ERAS: variants seen among roughly 807,000 people sequenced by gnomAD.
The protein encoded by ERAS is GTPase ERas.
For missense variants in ERAS, 137 were observed against 199.2 expected (o/e 0.69, Z 1.88); for synonymous variants, 87 against 89.1 (o/e 0.98, Z 0.13).
chrX:48,828,790 A>G lies in ERAS; in HGVS notation c.-43-291A>G, dbSNP rs1602290205. ...TATGCTAAAACCCGTTAAATTGGAC[A>G]CTAGCTGGCTGAACTTGATGGGATG... On this transcript the variant is annotated intron_variant, in intron 1 of 1. Transcript: ENST00000636362. The G allele has an allele frequency of 1.5e-5, 3 of 196,568 alleles. No homozygotes were observed. In the East Asian group the frequency reaches 2.6e-4, roughly 17 times the overall value. The allele number at this position is 196,568 out of a possible 1,213,427, so 16.2% of individuals were successfully genotyped here. A position where few individuals can be genotyped will look rare whatever the true frequency, so the allele number is the denominator to read the frequency against.
At chrX:48,826,881 G>A (rs1257892078) in intron 1 of ERAS, among the ~76,000 whole-genome samples, 4 of 112,764 alleles carry the variant, frequency 3.5e-5, no homozygotes, top group Non-Finnish European at 7.5e-5. Context: ...CCAGGTCCCG[G>A]CCCCTTAGCG....
intron 1 of ERAS, 39 bp downstream of exon 1, chrX:48,826,588 G>C (rs2063159207): frequency 8.9e-6 from 1 of 112,295 alleles, no homozygotes; most frequent in Non-Finnish European, 1.9e-5. Flanking sequence ...TGCCAGGCCT[G>C]GGGGTATCCC....
intron 1 of ERAS, among the ~76,000 whole-genome samples, chrX:48,828,624 G>A (rs1233345005): frequency 3.6e-5 from 4 of 111,553 alleles, no homozygotes; most frequent in Non-Finnish European, 7.5e-5. Flanking sequence ...GCTGGGCTAG[G>A]GTTCAATGGT....
intron 1 of ERAS, 53 bp downstream of exon 1, chrX:48,826,602 G>T (rs1478328652): frequency 8.9e-6 from 1 of 112,235 alleles, no homozygotes; most frequent in Non-Finnish European, 1.9e-5. Flanking sequence ...GTATCCCCGC[G>T]CCGGCTTTGG....
chrX:48,829,153 C>A lies in ERAS; in HGVS notation c.30C>A (p.Phe10Leu). The change falls in exon 2 of 2, where the codon TTC becomes TTA. Residue 10 changes from phenylalanine to leucine, a missense_variant. Physicochemically the swap from Phe to Leu is conservative, Grantham distance 22. Transcript: ENST00000636362. MELPTKPGTFDLGLATWSPS... is the reference protein window; with the variant it reads MELPTKPGTLDLGLATWSPS... ...AGCTGCCAACAAAGCCTGGCACCTT[C>A]GACCTGGGCCTGGCCACATGGAGCC... 9.0e-7 allele frequency: 1 copy of A among 1,112,754 alleles called. No individual in the cohort carries two copies. Among genetic ancestry groups the A allele is most frequent in the Admixed American group, 3.5e-5 (1 of 28,769 alleles). The allele number at this position is 1,112,754 out of a possible 1,213,427, so 91.7% of individuals were successfully genotyped here.
chrX:48,826,573 G>C (rs1294697833), intron 1 of ERAS, 24 bp downstream of exon 1: 1 of 112,158 alleles, frequency 8.9e-6, no homozygotes, highest in East Asian at 2.9e-4. Flanking sequence ...CGGTGCCCCT[G>C]GCCCTGCCAG....
At position 48,829,625 on chromosome X, in the gene ERAS, G is replaced by A. The variant is rs2063167325; in HGVS notation, c.502G>A (p.Ala168Thr). The A allele has an allele frequency of 8.3e-7, 1 of 1,210,341 alleles. No homozygotes were observed. The highest frequency in any genetic ancestry group is 1.1e-6 in the Non-Finnish European group (1 of 894,495). The stretch of plus-strand genomic sequence containing the variant: ...TGGAGATGCTCATGCCGCTGCTGCA[G>A]CCCTCGCACACAGCTGGGGGGCCCA... ...TAGDAHAAAA[A>T]LAHSWGAHFV... Residue 168 changes from alanine (A) to threonine (T), a missense_variant, in exon 2 of 2, where the codon GCC becomes ACC. By Grantham distance (58) the Ala-to-Thr change is moderately conservative (BLOSUM62 0). Transcript: ENST00000636362.
chrX:48,828,760 G>T, intron 1 of ERAS: 1 of 152,659 alleles, frequency 6.6e-6, no homozygotes, highest in Non-Finnish European at 1.3e-5. Context: ...GCACAACTTC[G>T]TGAATATGCT....
At position 48,829,547 on chromosome X, in the gene ERAS, C is replaced by T. The variant is rs1557033036; in HGVS notation, c.424C>T (p.Pro142Ser). ...QQIWATWGPH[P>S]AQPLVLVGNK... ...GATATGGGCCACCTGGGGCCCTCAC[C>T]CCGCCCAGCCCCTTGTCCTCGTGGG... The change falls in exon 2 of 2, where the codon CCC becomes TCC. Residue 142 changes from proline (P) to serine (S), a missense_variant. By Grantham distance (74) the Pro-to-Ser change is moderately conservative (BLOSUM62 -1). Coordinates refer to ENST00000636362, the MANE Select transcript of ERAS (RefSeq NM_181532.3). The T allele has an allele frequency of 1.7e-6, 2 of 1,210,745 alleles. No homozygotes were observed. The highest frequency in any genetic ancestry group is 1.8e-5 in the South Asian group (1 of 56,848).
intron 1 of ERAS, among the ~76,000 whole-genome samples, chrX:48,827,865 A>T (rs2063163318): frequency 9.0e-6 from 1 of 111,455 alleles, no homozygotes; most frequent in South Asian, 3.7e-4. Context: ...TCACAAGGGC[A>T]GGGACTGGGG....
At position 48,829,086 on chromosome X, in the gene ERAS, G is replaced by A. The variant is rs1272125154; in HGVS notation, c.-38G>A. 8.5e-6 allele frequency: 9 copies of A among 1,063,758 alleles called. No homozygotes were observed. The highest frequency in any genetic ancestry group is 9.8e-6 in the Non-Finnish European group (8 of 814,495). 87.7% of individuals were successfully genotyped at this position (1,063,758 alleles called of 1,213,427 possible). On this transcript the variant is annotated 5_prime_UTR_variant, in exon 2 of 2. Transcript: ENST00000636362. The stretch of plus-strand genomic sequence containing the variant: ...TCTTCTCTTCCCACTTGCAGAGCCT[G>A]CTGCCCACGTCTCTTCCCTGAGCTG...
At position 48,829,806 on chromosome X, in the gene ERAS, G is replaced by C; in HGVS notation, c.683G>C (p.Cys228Ser). Residue 228 changes from cysteine (C) to serine (S), a missense_variant, in exon 2 of 2, where the codon TGT becomes TCT. Coordinates refer to ENST00000636362, the MANE Select transcript of ERAS (RefSeq NM_181532.3). Reference protein sequence around the residue: ...KTRHQKATCHCGCSVA With the variant: ...KTRHQKATCHSGCSVA The stretch of plus-strand genomic sequence containing the variant: ...CGGCACCAGAAGGCCACCTGCCACT[G>C]TGGCTGCTCTGTGGCCTGAAGGTCT... 4.3e-6 allele frequency: 5 copies of C among 1,159,233 alleles called. No individual in the cohort carries two copies. Among genetic ancestry groups the C allele is most frequent in the Non-Finnish European group, 5.8e-6 (5 of 867,151 alleles).
intron 1 of ERAS, among the ~76,000 whole-genome samples, chrX:48,827,415 C>G (rs1311303457): frequency 1.8e-5 from 2 of 111,396 alleles, no homozygotes; most frequent in Admixed American, 9.4e-5. Context: ...TGTCCCCAAC[C>G]GTCGGGGACC....
At position 48,829,457 on chromosome X, in the gene ERAS, G is replaced by A. The variant is rs782072482; in HGVS notation, c.334G>A (p.Val112Ile). The change falls in exon 2 of 2, where the codon GTC becomes ATC. Residue 112 changes from valine (V) to isoleucine (I), a missense_variant. Transcript: ENST00000636362. ...GGCCCTGCGTGACCAGTGCCTGGCT[G>A]TCTGTGATGGTGTGCTGGGCGTCTT... ...HRALRDQCLA[V>I]CDGVLGVFAL... 1 of 1,210,036 alleles carries A rather than the reference G, an allele frequency of 8.3e-7. No homozygotes were observed. The highest frequency in any genetic ancestry group is 1.1e-6 in the Non-Finnish European group (1 of 894,793).
chrX:48,827,811 C>T (rs2063163204), intron 1 of ERAS, among the ~76,000 whole-genome samples: 2 of 111,393 alleles, frequency 1.8e-5, no homozygotes, highest in East Asian at 5.6e-4. Context: ...CTTCCTTGTT[C>T]CTTATCTTGT....
Position 48,829,331 on chromosome X carries a change from CACG to C in ERAS, c.211_213del (p.Asp71del). 8.2e-7 allele frequency: 1 copy of C among 1,212,223 alleles called. No individual in the cohort carries two copies. On this transcript the variant is annotated inframe_deletion, in exon 2 of 2. Coordinates refer to ENST00000636362, the MANE Select transcript of ERAS (RefSeq NM_181532.3). The stretch of plus-strand genomic sequence containing the variant: ...GAACCACCAGTGCTTCGTGGAGGAC[CACG>C]ACCCCACCATCCAGGATTCCTACTG...
rs782090794 is a variant in ERAS, at chrX:48,829,550, G to A, written c.427G>A (p.Ala143Thr). ...ATGGGCCACCTGGGGCCCTCACCCC[G>A]CCCAGCCCCTTGTCCTCGTGGGCAA... ...QIWATWGPHP[A>T]QPLVLVGNKC... Residue 143 changes from alanine (A) to threonine (T), a missense_variant, in exon 2 of 2, where the codon GCC (alanine) becomes ACC (threonine). Coordinates refer to ENST00000636362, the MANE Select transcript of ERAS (RefSeq NM_181532.3). 6.6e-6 allele frequency: 8 copies of A among 1,211,646 alleles called. No individual in the cohort carries two copies. The highest frequency in any genetic ancestry group is 1.8e-5 in the South Asian group (1 of 56,925).
chrX:48,829,832 T>C lies in ERAS; in HGVS notation c.*7T>C. The C allele has an allele frequency of 8.9e-7, 1 of 1,122,856 alleles. No homozygotes were observed. Among genetic ancestry groups the C allele is most frequent in the Non-Finnish European group, 1.2e-6 (1 of 849,510 alleles). 92.5% of individuals were successfully genotyped at this position (1,122,856 alleles called of 1,213,427 possible). A position where few individuals can be genotyped will look rare whatever the true frequency, so the allele number is the denominator to read the frequency against. On this transcript the variant is annotated 3_prime_UTR_variant, in exon 2 of 2. Transcript: ENST00000636362. The stretch of plus-strand genomic sequence containing the variant: ...TGGCTGCTCTGTGGCCTGAAGGTCT[T>C]GGCCAAGAAATGTAGACCTTTCCCC...
rs868910726 is a variant in ERAS, at chrX:48,829,379, A to G, written c.256A>G (p.Ser86Gly). The stretch of plus-strand genomic sequence containing the variant: ...CTACTGGAAGGAGTTGACCCTGGAC[A>G]GTGGGGACTGCATTCTGAATGTGCT... ...DSYWKELTLD[S>G]GDCILNVLDT... Residue 86 changes from serine (S) to glycine (G), a missense_variant, in exon 2 of 2, where the codon AGT (serine) becomes GGT (glycine). By Grantham distance (56) the Ser-to-Gly change is moderately conservative. Coordinates refer to ENST00000636362, the MANE Select transcript of ERAS (RefSeq NM_181532.3). 2 of 1,210,301 alleles carry G rather than the reference A, an allele frequency of 1.7e-6. No individual in the cohort carries two copies. Among genetic ancestry groups the G allele is most frequent in the Middle Eastern group, 2.3e-4 (1 of 4,335 alleles).
Sources: gnomAD v4.1 joint callset for allele counts (sites outside exome capture counted in the v4.1 genomes callset) on GRCh38, gnomAD v4.1.1 for gene constraint, MANE v1.5 for transcripts, NCBI Gene and HGNC (gene_info 2026-07-23, HGNC 2026-07-21) for gene names.